The following PCDHA11 variants were observed in gnomAD, a reference collection of about 807,000 sequenced individuals.
The protein encoded by PCDHA11 is protocadherin alpha 11.
A neutral mutation model predicts 70.3 loss-of-function variants in PCDHA11; 61 were observed. The observed-to-expected ratio is 0.87, with a 90% confidence interval of 0.71 to 1.07. The LOEUF (loss-of-function observed/expected upper bound fraction) is 1.07, where lower values mean the gene tolerates loss of function less well. Ranked by LOEUF, PCDHA11 falls within the 50% of genes least tolerant of loss-of-function variation. The probability of loss-of-function intolerance (pLI) is 0.00; values close to 1 mark genes in which losing one functional copy is unlikely to be tolerated. For missense variants in PCDHA11, 1,324 were observed against 1,237.5 expected (o/e 1.07, Z -1.05); for synonymous variants, 633 against 555.1 (o/e 1.14, Z -1.97).
chr5:140,981,685 C>T (rs369964011), intron 2 of PCDHA11, among the ~76,000 whole-genome samples: 1 of 152,048 alleles, frequency 6.6e-6, no homozygotes, highest in African/African-American at 2.4e-5. Flanking sequence ...TTCCTCCCTT[C>T]CATCATTCAT....
chr5:140,960,299 A>C (rs246005), intron 1 of PCDHA11, among the ~76,000 whole-genome samples: 85,531 of 151,846 alleles, frequency 0.56, 24,685 homozygotes, highest in African/African-American at 0.69. Flanking sequence ...TTTCTTCATC[A>C]ATACCAACCT....
At chr5:140,979,843 A>G (rs1373380351) in intron 2 of PCDHA11, among the ~76,000 whole-genome samples, 1 of 152,246 alleles carries the variant, frequency 6.6e-6, no homozygotes, top group African/African-American at 2.4e-5. Context: ...TAATCTTCAA[A>G]CTTAAGCCCC....
intron 3 of PCDHA11, among the ~76,000 whole-genome samples, chr5:140,990,016 G>A (rs1211656433): frequency 6.6e-6 from 1 of 152,138 alleles, no homozygotes; most frequent in East Asian, 1.9e-4. Flanking sequence ...GCGTGGGCTA[G>A]GCAAAGGATG....
At chr5:140,911,153 C>T (rs921838811) in intron 1 of PCDHA11, among the ~76,000 whole-genome samples, 2 of 152,048 alleles carry the variant, frequency 1.3e-5, no homozygotes, top group Non-Finnish European at 2.9e-5. Flanking sequence ...TCTCCTCAGA[C>T]AAATGTGGAA....
At chr5:140,909,850 C>T (rs181576128) in intron 1 of PCDHA11, among the ~76,000 whole-genome samples, 30 of 152,294 alleles carry the variant, frequency 2.0e-4, no homozygotes, top group Admixed American at 5.9e-4. Flanking sequence ...AGGACGTTTT[C>T]GGTCCCCTGG....
At chr5:140,948,860 T>C (rs2094315023) in intron 1 of PCDHA11, among the ~76,000 whole-genome samples, 2 of 151,640 alleles carry the variant, frequency 1.3e-5, no homozygotes, top group Non-Finnish European at 3.0e-5. Flanking sequence ...CTTCTTATAT[T>C]ACTTCGGGTT....
intron 3 of PCDHA11, among the ~76,000 whole-genome samples, chr5:140,984,328 G>A (rs1221209076): frequency 3.3e-5 from 5 of 152,156 alleles, no homozygotes; most frequent in African/African-American, 1.2e-4. Context: ...GGCAAATGTG[G>A]AATAGGAACC....
chr5:140,877,700 G>A, intron 1 of PCDHA11: 1 of 1,613,996 alleles, frequency 6.2e-7, no homozygotes, highest in Non-Finnish European at 8.5e-7. Flanking sequence ...GTGTGCTCCA[G>A]CGCCGTGGGG....
intron 1 of PCDHA11, among the ~76,000 whole-genome samples, chr5:140,959,419 A>G (rs1554224077): frequency 2.0e-5 from 3 of 152,150 alleles, no homozygotes; most frequent in Non-Finnish European, 4.4e-5. Context: ...TTGATCTGAG[A>G]ATTTGTGTAT....
intron 1 of PCDHA11, chr5:140,927,270 C>G: frequency 6.2e-7 from 1 of 1,614,150 alleles, no homozygotes; most frequent in Non-Finnish European, 8.5e-7. Context: ...TCTTTCCTGC[C>G]GGCGACGTGC....
chr5:141,006,872 G>T (rs1211849672), intron 3 of PCDHA11, among the ~76,000 whole-genome samples: 1 of 152,144 alleles, frequency 6.6e-6, no homozygotes, highest in Non-Finnish European at 1.5e-5. Flanking sequence ...ATAGATTCGA[G>T]GAATCAAGAG....
At chr5:140,918,967 C>T (rs1461992761) in intron 1 of PCDHA11, among the ~76,000 whole-genome samples, 1 of 152,164 alleles carries the variant, frequency 6.6e-6, no homozygotes, top group Non-Finnish European at 1.5e-5. Context: ...AGACAGATAT[C>T]GTTTAGGTTA....
intron 3 of PCDHA11, among the ~76,000 whole-genome samples, chr5:140,994,922 G>A (rs184710391): frequency 4.6e-5 from 7 of 152,342 alleles, no homozygotes; most frequent in African/African-American, 9.6e-5. Context: ...ATCAGATTTT[G>A]TAGGACCTTA....
At chr5:140,997,141 C>T (rs941650589) in intron 3 of PCDHA11, among the ~76,000 whole-genome samples, 6 of 152,088 alleles carry the variant, frequency 3.9e-5, no homozygotes, top group Admixed American at 2.6e-4. Flanking sequence ...CCCACACCCC[C>T]GCCACAGTGA....
intron 1 of PCDHA11, chr5:140,875,613 C>G (rs2055652849): frequency 8.1e-6 from 13 of 1,613,708 alleles, no homozygotes; most frequent in Non-Finnish European, 1.1e-5. Flanking sequence ...TCGTGGGCCG[C>G]ATCGCTCAGG....
intron 1 of PCDHA11, among the ~76,000 whole-genome samples, chr5:140,950,519 A>G (rs1359001168): frequency 6.6e-6 from 1 of 152,034 alleles, no homozygotes; most frequent in Non-Finnish European, 1.5e-5. Flanking sequence ...TGTGTGCGAT[A>G]TGATTGTTTT....
chr5:140,996,135 C>T (rs2097713564), intron 3 of PCDHA11, among the ~76,000 whole-genome samples: 1 of 152,140 alleles, frequency 6.6e-6, no homozygotes, highest in Non-Finnish European at 1.5e-5. Flanking sequence ...AGAGGGTTCT[C>T]CCATTATCTT....
chr5:140,978,644 G>A (rs782602318), intron 1 of PCDHA11, among the ~76,000 whole-genome samples: 18 of 152,220 alleles, frequency 1.2e-4, no homozygotes, highest in Non-Finnish European at 1.9e-4. Context: ...AAAGCAGACT[G>A]TTCTTCCCGT....
At chr5:140,902,403 T>G (rs1554190429) in intron 1 of PCDHA11, among the ~76,000 whole-genome samples, 1 of 152,102 alleles carries the variant, frequency 6.6e-6, no homozygotes, top group African/African-American at 2.4e-5. Flanking sequence ...TTGAATACTA[T>G]GTTGAATAAC....
Sources: gnomAD v4.1 joint callset for allele counts (sites outside exome capture counted in the v4.1 genomes callset) on GRCh38, gnomAD v4.1.1 for gene constraint, MANE v1.5 for transcripts, NCBI Gene and HGNC (gene_info 2026-07-23, HGNC 2026-07-21) for gene names.